MESD: variants seen among roughly 807,000 people sequenced by gnomAD.
MESD encodes the protein mesoderm development LRP chaperone, also known as LRP chaperone MESD.
MESD carries 7 observed loss-of-function variants against 12.9 expected under a neutral mutation model. The observed-to-expected ratio is 0.54, with a 90% CI of 0.31 to 1.02. The LOEUF (loss-of-function observed/expected upper bound fraction) is 1.02. Among genes scored for constraint, MESD ranks in the 50% least tolerant of loss-of-function variants. The pLI is 0.05. For missense variants in MESD, 342 were observed against 296.7 expected (o/e 1.15, Z -1.12); for synonymous variants, 126 against 115.6 (o/e 1.09, Z -0.58).
chr15:80,971,283 C>T (rs996985021), downstream of MESD, among the ~76,000 whole-genome samples: 1 of 152,196 alleles, frequency 6.6e-6, no homozygotes, highest in Non-Finnish European at 1.5e-5. Flanking sequence ...CAATGGCCAT[C>T]AGATTGCACA....
In MESD at chr15:80,979,195, C is replaced by G. The variant is rs777681174; in HGVS notation, c.*24G>C. On this transcript the variant is annotated 3_prime_UTR_variant, in exon 3 of 3. Transcript: ENST00000261758. ...GAGCTCTCCACGTCCACCTGTCCCCCCACAGCGCGTCACTGCTGCCCCATC... is the reference window on the plus strand; with the variant it reads ...GAGCTCTCCACGTCCACCTGTCCCCGCACAGCGCGTCACTGCTGCCCCATC... 4.4e-6 allele frequency: 7 copies of G among 1,603,574 alleles called. No individual in the cohort carries two copies. In the South Asian group the frequency reaches 7.8e-5, roughly 18 times the overall value.
intron 3 of MESD, among the ~76,000 whole-genome samples, chr15:80,957,611 C>G (rs1030341253): frequency 6.6e-6 from 1 of 152,048 alleles, no homozygotes; most frequent in Non-Finnish European, 1.5e-5. Flanking sequence ...CACACACACA[C>G]ACACACACAC....
downstream of MESD, among the ~76,000 whole-genome samples, chr15:80,971,517 C>T (rs1322440163): frequency 1.3e-5 from 2 of 152,208 alleles, no homozygotes; most frequent in Non-Finnish European, 2.9e-5. Flanking sequence ...TAATTCTCCA[C>T]CCACTGATCC....
At position 80,985,204 on chromosome 15, in the gene MESD, G is replaced by A. The variant is rs943015888; in HGVS notation, c.214-3022C>T. On this transcript the variant is annotated intron_variant, in intron 1 of 2. Coordinates refer to ENST00000261758, the MANE Select transcript of MESD (RefSeq NM_015154.3). Reference sequence around the variant, plus strand: ...AGGAGCATGGGCTGTGCTGTCAGACGGATGCGCTCCATCACTATGTGGCCT... The same window carrying A: ...AGGAGCATGGGCTGTGCTGTCAGACAGATGCGCTCCATCACTATGTGGCCT... Among the ~76,000 whole-genome samples, 2 of 152,224 alleles carry A rather than the reference G, an allele frequency of 1.3e-5. 1 individual carries two copies. The highest frequency in any genetic ancestry group is 4.8e-5 in the African/African-American group (2 of 41,446).
At chr15:80,946,883 T>C (rs949927873), downstream of MESD, 4 of 904,058 alleles carry the variant, frequency 4.4e-6, no homozygotes, top group African/African-American at 3.3e-5. Flanking sequence ...AGTCCCACCA[T>C]GCACAAACCA....
chr15:80,952,729 A>G (rs758849828), intron 3 of MESD, among the ~76,000 whole-genome samples: 1 of 152,220 alleles, frequency 6.6e-6, no homozygotes, highest in Non-Finnish European at 1.5e-5. Context: ...TAAGCTGCCA[A>G]TACACAAATA....
At chr15:80,961,915 T>C (rs1026633397) in intron 3 of MESD, among the ~76,000 whole-genome samples, 4 of 152,218 alleles carry the variant, frequency 2.6e-5, no homozygotes, top group Non-Finnish European at 5.9e-5. Flanking sequence ...ATTGACACTA[T>C]GAAGAAACTG....
intron 1 of MESD, among the ~76,000 whole-genome samples, chr15:80,988,441 G>C (rs936338578): frequency 8.5e-5 from 13 of 152,182 alleles, no homozygotes; most frequent in African/African-American, 2.9e-4. Flanking sequence ...CTCATGAGGT[G>C]ATGTTCTCAC....
Position 80,979,485 on chromosome 15 carries a change from A to G in MESD, c.447-8T>C. The G allele has an allele frequency of 6.2e-7, 1 of 1,611,704 alleles. No individual in the cohort carries two copies. On this transcript the variant is annotated splice_region_variant and splice_polypyrimidine_tract_variant and intron_variant, in intron 2 of 2. Transcript: ENST00000261758. ...TCTGATCCCACAATGAACCTTGGGC[A>G]GAGAGATGCAATCAGTCAGCCAGCA...
chr15:80,960,432 G>A (rs1465720179), intron 3 of MESD, among the ~76,000 whole-genome samples: 1 of 149,340 alleles, frequency 6.7e-6, no homozygotes, highest in East Asian at 2.0e-4. Context: ...TTCAAGATCA[G>A]CACATTCAAC....
chr15:80,974,373 T>C (rs1345184180), downstream of MESD, among the ~76,000 whole-genome samples: 1 of 152,090 alleles, frequency 6.6e-6, no homozygotes, highest in Non-Finnish European at 1.5e-5. Context: ...AACAAAGATG[T>C]GGCATCTACC....
intron 3 of MESD, among the ~76,000 whole-genome samples, chr15:80,962,630 C>A (rs1902107861): frequency 6.6e-6 from 1 of 152,172 alleles, no homozygotes; most frequent in African/African-American, 2.4e-5. Flanking sequence ...GAAACCACAA[C>A]AAACTGTCTC....
chr15:80,983,882 A>G (rs1174538999), intron 1 of MESD, among the ~76,000 whole-genome samples: 1 of 150,608 alleles, frequency 6.6e-6, no homozygotes, highest in African/African-American at 2.5e-5. Flanking sequence ...AATTACTAAT[A>G]GAAAACAGTA....
chr15:80,976,525 A>G lies in MESD; in HGVS notation c.*2694T>C, dbSNP rs545050900. 1 of 152,394 alleles carries G rather than the reference A, an allele frequency of 6.6e-6. No homozygotes were observed. The highest frequency in any genetic ancestry group is 1.9e-4 in the East Asian group (1 of 5,172). 9.4% of individuals were successfully genotyped at this position (152,394 alleles called of 1,614,324 possible). ...AAACACTGTACGCAGCCTCTCCAGT[A>G]TGGTGGCTTCAGGGTAGCCAATTAA... On this transcript the variant is annotated 3_prime_UTR_variant, in exon 3 of 3. Transcript: ENST00000261758.
At chr15:80,957,069 C>T (rs1348816057) in intron 3 of MESD, among the ~76,000 whole-genome samples, 1 of 152,102 alleles carries the variant, frequency 6.6e-6, no homozygotes, top group Non-Finnish European at 1.5e-5. Flanking sequence ...AAGCAATTCT[C>T]CCACCTCAGC....
chr15:80,955,369 T>C (rs1188190507), intron 3 of MESD, among the ~76,000 whole-genome samples: 11 of 147,548 alleles, frequency 7.5e-5, no homozygotes, highest in Admixed American at 1.4e-4. Context: ...CAGGTGCCTG[T>C]AGTCCCAGTA....
downstream of MESD, among the ~76,000 whole-genome samples, chr15:80,974,762 AC>A (rs1342272496): frequency 1.8e-4 from 25 of 136,548 alleles, no homozygotes; most frequent in South Asian, 1.1e-3. Context: ...AAAAAAAAAA[AC>A]AACACTAAGA....
chr15:80,989,682 G>A lies in MESD; in HGVS notation c.110C>T (p.Ser37Leu), dbSNP rs1197724243. Residue 37 changes from serine to leucine, a missense_variant, in exon 1 of 3, where the codon TCG (serine) becomes TTG (leucine). Transcript: ENST00000261758. Reference protein sequence around the residue: ...PPPGSCAAEGSPGTPDESTPP... With the variant: ...PPPGSCAAEGLPGTPDESTPP... The stretch of plus-strand genomic sequence containing the variant: ...GGTAGACTCGTCGGGCGTCCCGGGC[G>A]AGCCTTCGGCCGCGCAGGACCCAGG... 1 of 1,612,920 alleles carries A rather than the reference G, an allele frequency of 6.2e-7. No individual in the cohort carries two copies. The highest frequency in any genetic ancestry group is 1.7e-5 in the Admixed American group (1 of 60,000).
intron 2 of MESD, among the ~76,000 whole-genome samples, chr15:80,979,805 A>G (rs933397853): frequency 1.3e-5 from 2 of 152,234 alleles, no homozygotes; most frequent in African/African-American, 2.4e-5. Context: ...CTGGGGAGGT[A>G]AAGAGGCAGC....
Sources: gnomAD v4.1 joint callset for allele counts (sites outside exome capture counted in the v4.1 genomes callset) on GRCh38, gnomAD v4.1.1 for gene constraint, MANE v1.5 for transcripts, NCBI Gene and HGNC (gene_info 2026-07-23, HGNC 2026-07-21) for gene names.